Variants in MCOLN2 observed in about 807,000 individuals in gnomAD.
The protein encoded by MCOLN2 is mucolipin-2.
MCOLN2 carries 57 observed loss-of-function variants against 67.5 expected under a neutral mutation model. The ratio of observed to expected loss-of-function variants is 0.84; its 90% CI spans 0.68 to 1.05. The LOEUF is 1.05. Ranked by LOEUF, MCOLN2 falls within the 50% of genes least tolerant of loss-of-function variation. MCOLN2 has a pLI of 0.00. For missense variants in MCOLN2, 620 were observed against 678.8 expected, an observed-to-expected ratio of 0.91 and a Z score of 0.96; for synonymous variants, 246 against 233.3, an observed-to-expected ratio of 1.05 and a Z score of -0.50.
chr1:84,965,505 CTT>C, intron 2 of MCOLN2, 42 bp downstream of exon 2: 1 of 1,592,732 alleles, frequency 6.3e-7, no homozygotes, highest in Non-Finnish European at 8.5e-7. Context: ...AGAGTTTTGT[CTT>C]GTGGTAAGGG....
At chr1:84,951,491 A>G (rs965875464) in intron 6 of MCOLN2, among the ~76,000 whole-genome samples, 3 of 152,230 alleles carry the variant, frequency 2.0e-5, no homozygotes, top group Non-Finnish European at 4.4e-5. Context: ...CCAAAATAAA[A>G]AGAGAAACAA....
At chr1:84,990,516 T>C (rs1165404393) in intron 1 of MCOLN2, among the ~76,000 whole-genome samples, 1 of 152,078 alleles carries the variant, frequency 6.6e-6, no homozygotes. Context: ...TATAGAAATG[T>C]TAATTGCGGC....
At chr1:84,963,227 G>A (rs901816614) in intron 2 of MCOLN2, among the ~76,000 whole-genome samples, 5 of 152,172 alleles carry the variant, frequency 3.3e-5, no homozygotes, top group South Asian at 2.1e-4. Context: ...AGGATGAAAT[G>A]AGTTGAAGTA....
chr1:84,975,199 G>A (rs956049773), intron 1 of MCOLN2, among the ~76,000 whole-genome samples: 3 of 152,176 alleles, frequency 2.0e-5, no homozygotes, highest in African/African-American at 7.2e-5. Context: ...GACACAGGAA[G>A]TAGCCAGGGA....
chr1:84,978,377 A>G (rs1211535026), intron 1 of MCOLN2, among the ~76,000 whole-genome samples: 1 of 151,386 alleles, frequency 6.6e-6, no homozygotes, highest in Non-Finnish European at 1.5e-5. Context: ...AAACATAAAT[A>G]AAGATCAGAG....
At position 84,940,953 on chromosome 1, in the gene MCOLN2, A is replaced by C; in HGVS notation, c.886T>G (p.Phe296Val). 1 of 1,613,760 alleles carries C rather than the reference A, an allele frequency of 6.2e-7. No homozygotes were observed. Among genetic ancestry groups the C allele is most frequent in the African/African-American group, 1.3e-5 (1 of 75,030 alleles). ...GATGCCAAGCAAATCACAATGACAA[A>C]TGCATCAAACACCAGGACATACTGA... ...NAQYVLVFDA[F>V]VIVICLASLI... Residue 296 changes from phenylalanine (F) to valine (V), a missense_variant, in exon 8 of 14, where the codon TTT (phenylalanine) becomes GTT (valine). Phe to Val is a conservative substitution (Grantham distance 50, BLOSUM62 -1). Transcript: ENST00000370608.
chr1:84,991,462 G>A (rs1387302772), intron 1 of MCOLN2, among the ~76,000 whole-genome samples: 1 of 152,140 alleles, frequency 6.6e-6, no homozygotes, highest in Admixed American at 6.5e-5. Flanking sequence ...GAGGTTTTGA[G>A]GTAGCTGAGT....
At chr1:84,995,788 T>C (rs1223259531) in intron 1 of MCOLN2, among the ~76,000 whole-genome samples, 1 of 142,934 alleles carries the variant, frequency 7.0e-6, no homozygotes, top group Non-Finnish European at 1.6e-5. Context: ...ATATTTTATA[T>C]CTATTACTCT....
At position 84,947,102 on chromosome 1, in the gene MCOLN2, T is replaced by G. The variant is rs1648155236; in HGVS notation, c.778A>C (p.Lys260Gln). The G allele has an allele frequency of 6.3e-7, 1 of 1,598,178 alleles. No homozygotes were observed. Among genetic ancestry groups the G allele is most frequent in the African/African-American group, 1.3e-5 (1 of 74,722 alleles). Residue 260 changes from lysine to glutamine, a missense_variant, in exon 7 of 14, where the codon AAA becomes CAA. Physicochemically the swap from Lys to Gln is moderately conservative, Grantham distance 53. Transcript: ENST00000370608. The part of the protein sequence containing the change: ...IIFDNKAHSG[K>Q]IKIYFDSDAK... ...TCACTGTCAAAATAGATTTTGATTT[T>G]GCCACTGTGAGCTTTATTGTCAAAG...
chr1:84,949,639 C>T (rs1345707308), intron 6 of MCOLN2, among the ~76,000 whole-genome samples: 20 of 151,954 alleles, frequency 1.3e-4, no homozygotes, highest in Admixed American at 5.2e-4. Flanking sequence ...AGCAAGACTC[C>T]GTCTCAAAAA....
At chr1:84,995,745 T>C (rs1158616000) in intron 1 of MCOLN2, among the ~76,000 whole-genome samples, 1 of 152,196 alleles carries the variant, frequency 6.6e-6, no homozygotes, top group Non-Finnish European at 1.5e-5. Flanking sequence ...GCTCAAACTA[T>C]GTCTCTCAGT....
At chr1:84,994,292 AC>A (rs1651040855) in intron 1 of MCOLN2, among the ~76,000 whole-genome samples, 2 of 152,210 alleles carry the variant, frequency 1.3e-5, no homozygotes, top group Non-Finnish European at 2.9e-5. Context: ...CACCAGCTGT[AC>A]TAGTTCCTAA....
At position 84,997,024 on chromosome 1, in the gene MCOLN2, G is replaced by T. The variant is rs1018612858; in HGVS notation, c.-152C>A. 7 of 671,220 alleles carry T rather than the reference G, an allele frequency of 1.0e-5. No individual in the cohort carries two copies. Among genetic ancestry groups the T allele is most frequent in the South Asian group, 1.9e-5 (1 of 53,136 alleles). 41.6% of individuals were successfully genotyped at this position (671,220 alleles called of 1,614,324 possible). ...TTCTCTTACCCTTTCTGCCGGCCGC[G>T]TGGTGCGCGCAGACCCCGGCCCGAG... is the stretch of plus-strand genomic sequence containing the variant. On this transcript the variant is annotated 5_prime_UTR_variant, in exon 1 of 14. Transcript: ENST00000370608.
intron 11 of MCOLN2, among the ~76,000 whole-genome samples, chr1:84,936,281 G>A (rs1427573256): frequency 6.6e-6 from 1 of 152,176 alleles, no homozygotes; most frequent in Non-Finnish European, 1.5e-5. Context: ...CCAGAATAAT[G>A]ATGAGGTAGG....
chr1:84,972,285 A>C (rs1292670124), intron 1 of MCOLN2, among the ~76,000 whole-genome samples: 1 of 152,238 alleles, frequency 6.6e-6, no homozygotes, highest in Non-Finnish European at 1.5e-5. Flanking sequence ...CATGCAATTG[A>C]AATTGCATGA....
chr1:84,958,459 T>C, intron 3 of MCOLN2, 70 bp downstream of exon 3: 1 of 1,296,606 alleles, frequency 7.7e-7, no homozygotes, highest in East Asian at 2.7e-5. Flanking sequence ...TAATTTTTGT[T>C]TGTTGGCTAA....
intron 8 of MCOLN2, 32 bp downstream of exon 8, chr1:84,940,847 A>G (rs1389107741): frequency 6.7e-7 from 1 of 1,490,184 alleles, no homozygotes; most frequent in Non-Finnish European, 9.3e-7. Context: ...GCAGGCCAAG[A>G]GGGCAGGAAG....
chr1:84,969,420 A>G (rs1557655051), intron 1 of MCOLN2, among the ~76,000 whole-genome samples: 1 of 152,026 alleles, frequency 6.6e-6, no homozygotes, highest in South Asian at 2.1e-4. Context: ...AAAATACAAA[A>G]ATTAGCCAGG....
At chr1:84,930,220 A>AC (rs1449712453) in intron 12 of MCOLN2, among the ~76,000 whole-genome samples, 1 of 151,874 alleles carries the variant, frequency 6.6e-6, no homozygotes, top group Non-Finnish European at 1.5e-5. Flanking sequence ...GTAGGATTAT[A>AC]CCACTGTCCT....
Sources: gnomAD v4.1 joint callset for allele counts (sites outside exome capture counted in the v4.1 genomes callset) on GRCh38, gnomAD v4.1.1 for gene constraint, MANE v1.5 for transcripts, NCBI Gene and HGNC (gene_info 2026-07-23, HGNC 2026-07-21) for gene names.